Variants in TMEM132D observed in about 807,000 individuals in gnomAD.
The protein encoded by TMEM132D is transmembrane protein 132D, also known as mature OL transmembrane protein.
A neutral mutation model predicts 62.3 loss-of-function variants in TMEM132D; 21 were observed. That is an observed-to-expected ratio of 0.34 (90% CI 0.24 to 0.49). TMEM132D has a LOEUF of 0.49. TMEM132D is among the 20% of genes least tolerant of loss of function. The pLI is 0.99. For missense variants in TMEM132D, 1,346 were observed against 1,402.8 expected (o/e 0.96, Z 0.65); for synonymous variants, 621 against 575.6 (o/e 1.08, Z -1.13).
chr12:129,364,275 C>T (rs765156500), intron 3 of TMEM132D, among the ~76,000 whole-genome samples: 3 of 152,184 alleles, frequency 2.0e-5, no homozygotes, highest in Non-Finnish European at 4.4e-5. Flanking sequence ...TTGTAACTCT[C>T]TTTGAGTGAT....
At chr12:129,308,938 G>C (rs909480828) in intron 4 of TMEM132D, among the ~76,000 whole-genome samples, 5 of 152,158 alleles carry the variant, frequency 3.3e-5, no homozygotes, top group Admixed American at 6.5e-5. Flanking sequence ...AGTAACTATA[G>C]CTTTTAGTCT....
intron 4 of TMEM132D, 25 bp from the exon 5 acceptor site, chr12:129,209,688 A>G (rs903561648): frequency 5.6e-6 from 9 of 1,613,406 alleles, no homozygotes; most frequent in Non-Finnish European, 7.6e-6. Flanking sequence ...ACACCCTTCC[A>G]TCACATCCCC....
intron 2 of TMEM132D, among the ~76,000 whole-genome samples, chr12:129,670,568 C>T (rs188566131): frequency 1.3e-5 from 2 of 152,246 alleles, no homozygotes; most frequent in East Asian, 3.9e-4. Context: ...GCACTCCTGG[C>T]TCACTGGCTT....
At chr12:129,692,999 T>C (rs1315220158) in intron 2 of TMEM132D, among the ~76,000 whole-genome samples, 3 of 152,058 alleles carry the variant, frequency 2.0e-5, no homozygotes, top group Non-Finnish European at 4.4e-5. Context: ...CTTAACAATA[T>C]ATAATTTAAA....
At chr12:129,764,785 T>C (rs1031727696) in intron 1 of TMEM132D, among the ~76,000 whole-genome samples, 1 of 151,908 alleles carries the variant, frequency 6.6e-6, no homozygotes, top group Non-Finnish European at 1.5e-5. Flanking sequence ...TACAAACAAA[T>C]TAAAAAATTA....
At chr12:129,864,869 G>A (rs142507417) in intron 1 of TMEM132D, among the ~76,000 whole-genome samples, 84 of 152,296 alleles carry the variant, frequency 5.5e-4, no homozygotes, top group African/African-American at 1.9e-3. Flanking sequence ...TGTCCTCTGA[G>A]TGCAATGGCT....
intron 3 of TMEM132D, among the ~76,000 whole-genome samples, chr12:129,445,835 T>C (rs1403001613): frequency 6.6e-6 from 1 of 152,178 alleles, no homozygotes; most frequent in African/African-American, 2.4e-5. Flanking sequence ...GATGCATTTA[T>C]GTGCAGGAAG....
At chr12:129,577,091 T>C (rs1877684286) in intron 2 of TMEM132D, among the ~76,000 whole-genome samples, 1 of 151,846 alleles carries the variant, frequency 6.6e-6, no homozygotes, top group South Asian at 2.1e-4. Flanking sequence ...ATGGGCCCCA[T>C]GGTGTCACCG....
intron 2 of TMEM132D, among the ~76,000 whole-genome samples, chr12:129,536,325 T>C (rs534150961): frequency 2.2e-4 from 33 of 152,316 alleles, no homozygotes; most frequent in Admixed American, 5.9e-4. Flanking sequence ...ACATGCCCTT[T>C]GGGGTCACAG....
At chr12:129,334,925 C>A (rs1445927166) in intron 4 of TMEM132D, among the ~76,000 whole-genome samples, 1 of 151,950 alleles carries the variant, frequency 6.6e-6, no homozygotes, top group Non-Finnish European at 1.5e-5. Flanking sequence ...TAATTCAGCT[C>A]AAGAATCAGT....
intron 4 of TMEM132D, among the ~76,000 whole-genome samples, chr12:129,318,124 C>A (rs1868545772): frequency 1.3e-5 from 2 of 152,304 alleles, no homozygotes; most frequent in East Asian, 3.9e-4. Context: ...TAACTAACCT[C>A]CTGAACTCTT....
At chr12:129,470,483 G>A (rs1165461839) in intron 3 of TMEM132D, among the ~76,000 whole-genome samples, 1 of 152,164 alleles carries the variant, frequency 6.6e-6, no homozygotes, top group African/African-American at 2.4e-5. Context: ...TTGGGCTTAT[G>A]TTTCCTGATT....
intron 5 of TMEM132D, among the ~76,000 whole-genome samples, chr12:129,116,616 G>A (rs1875898374): frequency 1.3e-5 from 2 of 152,012 alleles, no homozygotes; most frequent in South Asian, 4.1e-4. Flanking sequence ...ATATACAGAT[G>A]GCAAATAAGC....
chr12:129,448,810 C>T (rs1873182638), intron 3 of TMEM132D, among the ~76,000 whole-genome samples: 1 of 152,200 alleles, frequency 6.6e-6, no homozygotes, highest in Non-Finnish European at 1.5e-5. Flanking sequence ...TCATCTGATG[C>T]TCCAAGCCTA....
chr12:129,732,805 G>A (rs1310657828), intron 1 of TMEM132D, among the ~76,000 whole-genome samples: 2 of 152,210 alleles, frequency 1.3e-5, no homozygotes, highest in African/African-American at 2.4e-5. Context: ...TACAGCATGG[G>A]AATCTGGGGC....
intron 3 of TMEM132D, among the ~76,000 whole-genome samples, chr12:129,469,546 A>G (rs1350600950): frequency 6.6e-6 from 1 of 152,210 alleles, no homozygotes; most frequent in Non-Finnish European, 1.5e-5. Context: ...TTCTAACAAG[A>G]TAACACAATG....
intron 1 of TMEM132D, chr12:129,840,554 A>C (rs1259315520): frequency 6.6e-6 from 1 of 152,276 alleles, no homozygotes; most frequent in African/African-American, 2.4e-5. Context: ...ATAATCTTAA[A>C]AAATATTTAT....
At chr12:129,259,005 T>C (rs555842618) in intron 4 of TMEM132D, among the ~76,000 whole-genome samples, 1 of 152,264 alleles carries the variant, frequency 6.6e-6, no homozygotes, top group Non-Finnish European at 1.5e-5. Flanking sequence ...AGCCAGGATG[T>C]GTCTTGGGTA....
Position 129,289,547 on chromosome 12 carries a change from TA to T in TMEM132D, c.1299+48086del, listed in dbSNP as rs59709658. 3.1e-3 allele frequency among the ~76,000 whole-genome samples: 283 copies of T among 92,152 alleles called. 1 individual carries two copies. The highest frequency in any genetic ancestry group is 6.3e-3 in the Middle Eastern group (1 of 160). 60.5% of individuals were successfully genotyped at this position (92,152 alleles called of 152,430 possible). A position where few individuals can be genotyped will look rare whatever the true frequency, so the allele number is the denominator to read the frequency against. ...TGACAAGAGTGAAATTCCATCTCAA[TA>T]AAAAAAAAAAAAAAAAGAAAAAAAA... is the stretch of plus-strand genomic sequence containing the variant. On this transcript the variant is annotated intron_variant, in intron 4 of 8. Coordinates refer to ENST00000422113, the MANE Select transcript of TMEM132D (RefSeq NM_133448.3).
Sources: gnomAD v4.1 joint callset for allele counts (sites outside exome capture counted in the v4.1 genomes callset) on GRCh38, gnomAD v4.1.1 for gene constraint, MANE v1.5 for transcripts, NCBI Gene and HGNC (gene_info 2026-07-23, HGNC 2026-07-21) for gene names.